RAB3B: variants seen among roughly 807,000 people sequenced by gnomAD.
RAB3B encodes ras-related protein Rab-3B.
RAB3B carries 11 observed loss-of-function variants against 20.5 expected under a neutral mutation model. The ratio of observed to expected loss-of-function variants is 0.54; its 90% confidence interval spans 0.34 to 0.89. RAB3B has a LOEUF of 0.89. Ranked by LOEUF, RAB3B falls within the 40% of genes least tolerant of loss-of-function variation. The pLI is 0.02. For missense variants in RAB3B, 225 were observed against 280.9 expected (o/e 0.80, Z 1.42); for synonymous variants, 99 against 106.3 (o/e 0.93, Z 0.42).
chr1:51,937,052 G>A lies in RAB3B; in HGVS notation c.347+242C>T, dbSNP rs182204456. Among the ~76,000 whole-genome samples the A allele has an allele frequency of 3.0e-3, 457 of 152,242 alleles. 1 individual carries two copies. The highest frequency in any genetic ancestry group is 4.6e-3 in the Non-Finnish European group (313 of 68,014). ...TGGTCTCAAACTCCTGACCTCGGGT[G>A]ATCTGGCTGCCTCGGCCTCCCAAAG... On this transcript the variant is annotated intron_variant, in intron 3 of 4. Transcript: ENST00000371655.
chr1:51,961,554 C>A (rs997472579), intron 2 of RAB3B, among the ~76,000 whole-genome samples: 1 of 152,128 alleles, frequency 6.6e-6, no homozygotes. Flanking sequence ...AGTCCCTTAA[C>A]TTCTCTGAGT....
intron 1 of RAB3B, among the ~76,000 whole-genome samples, chr1:51,986,787 T>G (rs968597075): frequency 1.3e-5 from 2 of 152,082 alleles, no homozygotes; most frequent in Admixed American, 6.5e-5. Flanking sequence ...GGAAGGCTCA[T>G]TCAGATGGAA....
chr1:51,960,001 G>A (rs551278923), intron 2 of RAB3B, among the ~76,000 whole-genome samples: 1 of 152,294 alleles, frequency 6.6e-6, no homozygotes, highest in East Asian at 1.9e-4. Context: ...GAGGCAGAAA[G>A]GGCCAAGAAT....
intron 1 of RAB3B, among the ~76,000 whole-genome samples, chr1:51,988,401 TAGCATTCTACAAG>T (rs888748526): frequency 6.6e-6 from 1 of 152,228 alleles, no homozygotes; most frequent in Non-Finnish European, 1.5e-5. Flanking sequence ...ACTAAATGTC[TAGCATTCTACAAG>T]ATGCTTTCAA....
At position 51,948,437 on chromosome 1, in the gene RAB3B, G is replaced by A. The variant is rs116607617; in HGVS notation, c.229-11025C>T. Among the ~76,000 whole-genome samples the A allele has an allele frequency of 5.8e-3, 890 of 152,298 alleles. 7 individuals carry two copies. The highest frequency in any genetic ancestry group is 0.02 in the African/African-American group (823 of 41,560). On this transcript the variant is annotated intron_variant, in intron 2 of 4. Transcript: ENST00000371655. ...CTTCAACTATTTAAAGTGCCTAAAG[G>A]CACTTCTCTTTTCCTTTCTTTCAAA...
intron 2 of RAB3B, among the ~76,000 whole-genome samples, chr1:51,947,026 G>T (rs538963163): frequency 6.6e-6 from 1 of 152,260 alleles, no homozygotes; most frequent in African/African-American, 2.4e-5. Context: ...TGAGTCCCCA[G>T]TTGATATATG....
rs770775970 is a variant in RAB3B at position 51,933,410 on chromosome 1, T to C, written c.380A>G (p.Asn127Ser). ...ATQIKTYSWDNAQVILVGNKC... is the reference protein window; with the variant it reads ...ATQIKTYSWDSAQVILVGNKC... Reference sequence around the variant, plus strand: ...GTTCCCCACCAGAATAACTTGTGCATTGTCCCAGGAGTAGGTCTTGATCTG... The same window carrying C: ...GTTCCCCACCAGAATAACTTGTGCACTGTCCCAGGAGTAGGTCTTGATCTG... Residue 127 changes from asparagine (N) to serine (S), a missense_variant, in exon 4 of 5, where the codon AAT (asparagine) becomes AGT (serine). Transcript: ENST00000371655. The C allele has an allele frequency of 1.2e-6, 2 of 1,613,472 alleles. No homozygotes were observed. The highest frequency in any genetic ancestry group is 1.7e-6 in the Non-Finnish European group (2 of 1,179,432).
intron 2 of RAB3B, among the ~76,000 whole-genome samples, chr1:51,965,012 T>C (rs963634937): frequency 6.6e-5 from 10 of 152,104 alleles, no homozygotes; most frequent in Admixed American, 3.3e-4. Flanking sequence ...GGCTGGTGGA[T>C]TACTTAAGAC....
At chr1:51,942,003 T>C (rs1294316011) in intron 2 of RAB3B, among the ~76,000 whole-genome samples, 1 of 152,250 alleles carries the variant, frequency 6.6e-6, no homozygotes, top group Non-Finnish European at 1.5e-5. Flanking sequence ...TGTTTGTGAC[T>C]AAGAAACATT....
At chr1:51,939,071 C>A (rs1424101847) in intron 2 of RAB3B, among the ~76,000 whole-genome samples, 1 of 152,146 alleles carries the variant, frequency 6.6e-6, no homozygotes, top group Non-Finnish European at 1.5e-5. Context: ...TCACAAGTAG[C>A]TCATAGTCTA....
At chr1:51,972,987 T>C (rs1684958188) in intron 2 of RAB3B, among the ~76,000 whole-genome samples, 1 of 152,216 alleles carries the variant, frequency 6.6e-6, no homozygotes, top group African/African-American at 2.4e-5. Flanking sequence ...AATTCACTTA[T>C]TTAATGTATA....
chr1:51,986,782 G>T (rs111852116), intron 1 of RAB3B, among the ~76,000 whole-genome samples: 279 of 152,322 alleles, frequency 1.8e-3, no homozygotes, highest in African/African-American at 6.5e-3. Flanking sequence ...CAGTTGGAAG[G>T]CTCATTCAGA....
intron 1 of RAB3B, among the ~76,000 whole-genome samples, chr1:51,989,103 G>GTGCGCACA (rs1553232365): frequency 2.3e-5 from 3 of 132,676 alleles, no homozygotes; most frequent in African/African-American, 8.4e-5. Flanking sequence ...CTGTGCGCGC[G>GTGCGCACA]CACACACACA....
intron 4 of RAB3B, among the ~76,000 whole-genome samples, chr1:51,930,057 C>A (rs890005088): frequency 6.6e-6 from 1 of 152,150 alleles, no homozygotes; most frequent in African/African-American, 2.4e-5. Context: ...TGATCAATAG[C>A]AGAAAGCTCA....
Position 51,933,376 on chromosome 1 carries a change from G to A in RAB3B, c.414C>T (p.Asp138=), listed in dbSNP as rs1684353694. ...TGGGAACAACCCTCTCTTCCTCCAT[G>A]TCACACTTGTTCCCCACCAGAATAA... is the stretch of plus-strand genomic sequence containing the variant. ...AQVILVGNKC[D]MEEERVVPTE... The change falls in exon 4 of 5, where the codon GAC becomes GAT. Residue 138 remains aspartate (D), a synonymous_variant. Transcript: ENST00000371655. The A allele has an allele frequency of 6.2e-7, 1 of 1,613,828 alleles. No individual in the cohort carries two copies. The highest frequency in any genetic ancestry group is 1.3e-5 in the African/African-American group (1 of 74,882).
intron 1 of RAB3B, among the ~76,000 whole-genome samples, chr1:51,989,087 A>G (rs1401453679): frequency 9.8e-6 from 1 of 102,062 alleles, no homozygotes; most frequent in East Asian, 3.4e-4. Flanking sequence ...ACAGGTGGAC[A>G]CCCACCTGTG....
intron 2 of RAB3B, among the ~76,000 whole-genome samples, chr1:51,938,261 T>C (rs2124257761): frequency 6.6e-6 from 1 of 152,296 alleles, no homozygotes; most frequent in African/African-American, 2.4e-5. Context: ...GTTTAGCCTT[T>C]CTGGGAATCA....
chr1:51,966,897 A>G (rs997304820), intron 2 of RAB3B, among the ~76,000 whole-genome samples: 1 of 152,094 alleles, frequency 6.6e-6, no homozygotes, highest in African/African-American at 2.4e-5. Context: ...GCTTACACTC[A>G]AGACGAGATT....
rs373729704 is a variant in RAB3B at position 51,933,425 on chromosome 1, G to A, written c.365C>T (p.Thr122Ile). The stretch of plus-strand genomic sequence containing the variant: ...AACTTGTGCATTGTCCCAGGAGTAG[G>A]TCTTGATCTGAGTAGCCCTAAAATG... ...AVQDWATQIKTYSWDNAQVIL... is the reference protein window; with the variant it reads ...AVQDWATQIKIYSWDNAQVIL... Residue 122 changes from threonine (T) to isoleucine (I), a missense_variant, in exon 4 of 5, where the codon ACC (threonine) becomes ATC (isoleucine). Thr to Ile is a moderately conservative substitution (Grantham distance 89, BLOSUM62 -1). Transcript: ENST00000371655. 2 of 1,612,652 alleles carry A rather than the reference G, an allele frequency of 1.2e-6. No individual in the cohort carries two copies. The highest frequency in any genetic ancestry group is 2.2e-5 in the South Asian group (2 of 91,014).
Sources: allele counts gnomAD v4.1 joint callset (sites outside exome capture counted in the v4.1 genomes callset), GRCh38; gene constraint gnomAD v4.1.1; transcripts MANE v1.5; gene names NCBI Gene and HGNC (gene_info 2026-07-23, HGNC 2026-07-21).